LRRC1: variants seen among roughly 807,000 people sequenced by gnomAD.
The protein encoded by LRRC1 is leucine rich repeat containing 1.
Under a neutral mutation model 69.9 loss-of-function variants are expected in LRRC1, and 28 were observed. The ratio of observed to expected loss-of-function variants is 0.40; its 90% CI spans 0.30 to 0.55. LRRC1 has a LOEUF of 0.55. LRRC1 is among the 20% of genes least tolerant of loss of function. The probability of loss-of-function intolerance (pLI) is 0.47; values close to 1 mark genes in which losing one functional copy is unlikely to be tolerated. For synonymous variants in LRRC1, 236 were observed against 240.2 expected, an observed-to-expected ratio of 0.98 and a Z score of 0.16; for missense variants, 498 against 609.0, an observed-to-expected ratio of 0.82 and a Z score of 1.92.
intron 11 of LRRC1, among the ~76,000 whole-genome samples, chr6:53,914,756 T>C (rs1768514632): frequency 6.6e-6 from 1 of 152,190 alleles, no homozygotes; most frequent in Non-Finnish European, 1.5e-5. Flanking sequence ...GCTCTCTTCT[T>C]CATCACTCAA....
rs76955764 is a variant in LRRC1, at chr6:53,820,967, C to G, written c.160-21143C>G. 8.6e-3 allele frequency among the ~76,000 whole-genome samples: 1,309 copies of G among 152,318 alleles called. 15 individuals carry two copies. Among genetic ancestry groups the G allele is most frequent in the African/African-American group, 0.029 (1,198 of 41,560 alleles). On this transcript the variant is annotated intron_variant, in intron 1 of 13. Transcript: ENST00000370888. ...CAGTGCCAAGCACATGGGAGGATCT[C>G]AAGAACTTGTTGACTTATTTCTTCT...
At chr6:53,856,207 C>T (rs1173035537) in intron 2 of LRRC1, among the ~76,000 whole-genome samples, 1 of 152,202 alleles carries the variant, frequency 6.6e-6, no homozygotes, top group African/African-American at 2.4e-5. Flanking sequence ...GACGTAGGGA[C>T]AGGAACGAAT....
chr6:53,822,097 C>G (rs1765133626), intron 1 of LRRC1, among the ~76,000 whole-genome samples: 1 of 152,076 alleles, frequency 6.6e-6, no homozygotes, highest in Non-Finnish European at 1.5e-5. Context: ...CTGTGTATTT[C>G]TAGGTTCTGT....
Position 53,919,673 on chromosome 6 carries a change from GAATTT to G in LRRC1, c.1279+11_1279+15del, listed in dbSNP as rs754367200. ...GCCTTCTGAACCTACTTGTCAAGGT[GAATTT>G]AATTTAAGGACAGTATTCACAGGGC... On this transcript the variant is annotated splice_donor_5th_base_variant and intron_variant, in intron 12 of 13. Transcript: ENST00000370888. The G allele has an allele frequency of 1.2e-6, 2 of 1,611,342 alleles. No individual in the cohort carries two copies. The highest frequency in any genetic ancestry group is 1.7e-4 in the Middle Eastern group (1 of 6,044).
At chr6:53,897,257 A>G (rs1312386666) in intron 6 of LRRC1, 28 bp from the exon 7 acceptor site, 3 of 1,463,184 alleles carry the variant, frequency 2.1e-6, no homozygotes, top group Non-Finnish European at 9.5e-7. Flanking sequence ...AATCTTTGTT[A>G]CCGTAACTTT....
Position 53,901,807 on chromosome 6 carries a change from G to A in LRRC1, c.788-822G>A, listed in dbSNP as rs75202503. Among the ~76,000 whole-genome samples the A allele has an allele frequency of 2.1e-3, 313 of 152,352 alleles. 2 individuals are homozygous for A. Among genetic ancestry groups the A allele is most frequent in the African/African-American group, 7.3e-3 (302 of 41,588 alleles). On this transcript the variant is annotated intron_variant, in intron 8 of 13. Coordinates refer to ENST00000370888, the MANE Select transcript of LRRC1 (RefSeq NM_018214.5). The stretch of plus-strand genomic sequence containing the variant: ...GGCTATTGATTATGCTAAATAAAGA[G>A]CTTAAGAATTGGTTCCTTCTCCTAT...
intron 2 of LRRC1, among the ~76,000 whole-genome samples, chr6:53,850,847 T>A (rs546649457): frequency 6.6e-6 from 1 of 152,298 alleles, no homozygotes; most frequent in South Asian, 2.1e-4. Context: ...TGATGTCACA[T>A]CTTTATTCAA....
At position 53,871,009 on chromosome 6, in the gene LRRC1, T is replaced by A. The variant is rs1369102883; in HGVS notation, c.278-7984T>A. ...TGGCTGAATAGTACATTGTGTGAAA[T>A]ATACACATTTTCTTTATCCATTCAT... On this transcript the variant is annotated intron_variant, in intron 2 of 13. Coordinates refer to ENST00000370888, the MANE Select transcript of LRRC1 (RefSeq NM_018214.5). Among the ~76,000 whole-genome samples the A allele has an allele frequency of 2.0e-5, 3 of 152,342 alleles. No homozygotes were observed. The East Asian group carries it at 5.8e-4, about 29-fold the overall frequency.
chr6:53,801,301 TTGTC>T (rs1336774803), intron 1 of LRRC1, among the ~76,000 whole-genome samples: 1 of 152,192 alleles, frequency 6.6e-6, no homozygotes, highest in Non-Finnish European at 1.5e-5. Flanking sequence ...TGCATCATTG[TTGTC>T]TGTCATGTTA....
intron 1 of LRRC1, among the ~76,000 whole-genome samples, chr6:53,838,167 G>A (rs1765663673): frequency 6.6e-6 from 1 of 152,164 alleles, no homozygotes; most frequent in Non-Finnish European, 1.5e-5. Context: ...CAGTTTCCTT[G>A]GCATTGTGTT....
chr6:53,915,624 C>A (rs1223628836), intron 11 of LRRC1, among the ~76,000 whole-genome samples: 1 of 152,176 alleles, frequency 6.6e-6, no homozygotes, highest in Non-Finnish European at 1.5e-5. Context: ...TGCCGAAAAA[C>A]TGTTTTTACA....
chr6:53,883,756 C>T (rs932665477), intron 4 of LRRC1, among the ~76,000 whole-genome samples: 8 of 152,100 alleles, frequency 5.3e-5, no homozygotes, highest in African/African-American at 1.7e-4. Context: ...ACCAGTGTTC[C>T]CTAGCATCAT....
At chr6:53,861,981 C>T (rs1340859441) in intron 2 of LRRC1, among the ~76,000 whole-genome samples, 1 of 152,068 alleles carries the variant, frequency 6.6e-6, no homozygotes, top group East Asian at 1.9e-4. Context: ...TGAGCCTGAC[C>T]ATAGAGGCTT....
chr6:53,918,584 G>C (rs759196498), intron 11 of LRRC1, among the ~76,000 whole-genome samples: 8 of 152,070 alleles, frequency 5.3e-5, no homozygotes, highest in Non-Finnish European at 1.0e-4. Flanking sequence ...TTTCCTGTAA[G>C]TTCTGTCAAT....
At chr6:53,868,883 C>A (rs1481916085) in intron 2 of LRRC1, among the ~76,000 whole-genome samples, 1 of 152,208 alleles carries the variant, frequency 6.6e-6, no homozygotes, top group African/African-American at 2.4e-5. Flanking sequence ...GCCTGTGCTT[C>A]TCCTTTGCTC....
intron 10 of LRRC1, among the ~76,000 whole-genome samples, chr6:53,909,010 T>TA (rs1485158403): frequency 6.6e-6 from 1 of 152,204 alleles, no homozygotes; most frequent in African/African-American, 2.4e-5. Flanking sequence ...ATGATAATAG[T>TA]AAAAACTTTA....
At chr6:53,894,696 A>C (rs1767810051) in intron 4 of LRRC1, among the ~76,000 whole-genome samples, 2 of 152,208 alleles carry the variant, frequency 1.3e-5, no homozygotes, top group African/African-American at 2.4e-5. Context: ...CTTTGTTTTT[A>C]AATTTTTACT....
At chr6:53,832,378 T>A (rs4484515) in intron 1 of LRRC1, among the ~76,000 whole-genome samples, 125,892 of 152,124 alleles carry the variant, frequency 0.83, 52,282 homozygotes, top group East Asian at 0.92. Flanking sequence ...TGCACATAGT[T>A]GGCATAGTAT....
chr6:53,899,765 A>C lies in LRRC1; in HGVS notation c.661A>C (p.Asn221His). Residue 221 changes from asparagine (N) to histidine (H), a missense_variant, in exon 8 of 14, where the codon AAC becomes CAC. Physicochemically the swap from Asn to His is moderately conservative, Grantham distance 68. Around this residue, in one of 3 missense-constraint regions of LRRC1, gnomAD observed 266 missense variants for 383.9 expected, o/e 0.69. Coordinates refer to ENST00000370888, the MANE Select transcript of LRRC1 (RefSeq NM_018214.5). ...ELPQEIGNLKNLLCLDVSENR... is the reference protein window; with the variant it reads ...ELPQEIGNLKHLLCLDVSENR... ...GTTATAGGAAATAGGAAATCTGAAG[A>C]ACCTGCTGTGTTTAGATGTCTCTGA... 6.2e-7 allele frequency: 1 copy of C among 1,613,980 alleles called. No individual in the cohort carries two copies. The highest frequency in any genetic ancestry group is 8.5e-7 in the Non-Finnish European group (1 of 1,179,940).
Sources: allele counts gnomAD v4.1 joint callset (sites outside exome capture counted in the v4.1 genomes callset), GRCh38; gene constraint gnomAD v4.1.1; regional missense constraint gnomAD v4.1.1; transcripts MANE v1.5; gene names NCBI Gene and HGNC (gene_info 2026-07-23, HGNC 2026-07-21).